HDAC9: variants seen among roughly 807,000 people sequenced by gnomAD.
HDAC9 encodes histone deacetylase 9.
HDAC9 carries 41 observed loss-of-function variants against 139.4 expected under a neutral mutation model. The ratio of observed to expected loss-of-function variants is 0.29; its 90% CI spans 0.23 to 0.38. The LOEUF (loss-of-function observed/expected upper bound fraction) is 0.38. Among genes scored for constraint, HDAC9 ranks in the 10% least tolerant of loss-of-function variants. The pLI, the probability that HDAC9 is intolerant of heterozygous loss-of-function variation, is 1.00. For missense variants in HDAC9, 1,147 were observed against 1,297.0 expected, an observed-to-expected ratio of 0.88 and a Z score of 1.78; for synonymous variants, 517 against 476.2, an observed-to-expected ratio of 1.09 and a Z score of -1.12.
intron 1 of HDAC9, among the ~76,000 whole-genome samples, chr7:18,351,033 C>T (rs184925868): frequency 1.3e-5 from 2 of 152,268 alleles, no homozygotes; most frequent in African/African-American, 4.8e-5. Context: ...GTGACGGAGC[C>T]TCTGTGATTG....
chr7:18,842,562 G>A (rs1360852481), intron 21 of HDAC9, among the ~76,000 whole-genome samples: 1 of 151,948 alleles, frequency 6.6e-6, no homozygotes, highest in East Asian at 1.9e-4. Context: ...TCCGTATGTT[G>A]AGATGTTTCA....
chr7:18,882,082 C>G (rs1799780943), intron 22 of HDAC9, among the ~76,000 whole-genome samples: 1 of 152,088 alleles, frequency 6.6e-6, no homozygotes, highest in African/African-American at 2.4e-5. Flanking sequence ...GGAACATAGT[C>G]TAAATAGCAT....
chr7:18,345,178 T>C (rs17139074), intron 1 of HDAC9, among the ~76,000 whole-genome samples: 2,070 of 152,160 alleles, frequency 0.014, 34 homozygotes, highest in African/African-American at 0.047. Flanking sequence ...GGTAATTCTA[T>C]GACCTGAAAG....
intron 2 of HDAC9, among the ~76,000 whole-genome samples, chr7:18,512,975 T>A (rs1223731297): frequency 6.6e-6 from 1 of 152,198 alleles, no homozygotes; most frequent in Non-Finnish European, 1.5e-5. Context: ...TACAACGTTA[T>A]TTTTAGTAGC....
intron 13 of HDAC9, among the ~76,000 whole-genome samples, chr7:18,733,736 G>A (rs144448735): frequency 1.3e-5 from 2 of 151,802 alleles, no homozygotes; most frequent in African/African-American, 4.8e-5. Context: ...TTATACCTAA[G>A]AATTTCATCC....
intron 16 of HDAC9, among the ~76,000 whole-genome samples, chr7:18,771,423 T>C (rs1790279826): frequency 6.6e-6 from 1 of 152,148 alleles, no homozygotes. Flanking sequence ...TTCAGTTGTA[T>C]ATCAACTATA....
intron 13 of HDAC9, among the ~76,000 whole-genome samples, chr7:18,748,388 C>T (rs1788162583): frequency 1.3e-5 from 2 of 151,976 alleles, no homozygotes; most frequent in South Asian, 4.2e-4. Context: ...AAATGCCCCA[C>T]GATATTATAA....
intron 2 of HDAC9, among the ~76,000 whole-genome samples, chr7:18,573,587 G>A (rs1029957681): frequency 2.0e-5 from 3 of 152,212 alleles, no homozygotes; most frequent in Non-Finnish European, 2.9e-5. Flanking sequence ...TACGAGCAAG[G>A]CGTGGAGCGG....
intron 12 of HDAC9, among the ~76,000 whole-genome samples, chr7:18,675,043 G>T (rs190860737): frequency 6.6e-6 from 1 of 151,590 alleles, no homozygotes; most frequent in Non-Finnish European, 1.5e-5. Flanking sequence ...CTATTTCCAC[G>T]TATTCTATAG....
intron 1 of HDAC9, among the ~76,000 whole-genome samples, chr7:18,154,323 A>C (rs1787009307): frequency 6.6e-6 from 1 of 152,182 alleles, no homozygotes; most frequent in African/African-American, 2.4e-5. Flanking sequence ...AAAAGAATGA[A>C]AAAAAGCTTT....
At chr7:18,247,135 C>G (rs1296970784) in intron 2 of HDAC9, among the ~76,000 whole-genome samples, 2 of 151,676 alleles carry the variant, frequency 1.3e-5, no homozygotes, top group Non-Finnish European at 2.9e-5. Context: ...ATAAAGGTGT[C>G]AAGCAGTTAG....
At position 18,142,022 on chromosome 7, in the gene HDAC9, A is replaced by G. The variant is rs1785935263; in HGVS notation, c.-96-20207A>G. 1.3e-5 allele frequency among the ~76,000 whole-genome samples: 2 copies of G among 152,132 alleles called. 1 individual carries two copies. The highest frequency in any genetic ancestry group is 1.3e-4 in the Admixed American group (2 of 15,268). ...GTTCTTAATTTATCGAATTGACCCTAGTCCTTTATTGTGTCAGGACTTTTT... is the reference window on the plus strand; with the variant it reads ...GTTCTTAATTTATCGAATTGACCCTGGTCCTTTATTGTGTCAGGACTTTTT... On this transcript the variant is annotated intron_variant, in intron 1 of 12. Transcript: ENST00000417496.
In HDAC9 at chr7:18,339,219, A is replaced by T. The variant is rs117860487; in HGVS notation, c.-42+48704A>T. On this transcript the variant is annotated intron_variant, in intron 1 of 3. Transcript: ENST00000413509. The stretch of plus-strand genomic sequence containing the variant: ...GATCTTCTAAAATAATCAGCTTTTG[A>T]TTTCATTGATTTTCTCTATTGTTTT... 5.2e-4 allele frequency among the ~76,000 whole-genome samples: 79 copies of T among 150,754 alleles called. 1 individual carries two copies. The East Asian group carries it at 0.014, about 27-fold the overall frequency.
intron 17 of HDAC9, among the ~76,000 whole-genome samples, chr7:18,799,055 A>G (rs1425550973): frequency 1.2e-5 from 1 of 81,354 alleles, no homozygotes; most frequent in Non-Finnish European, 2.8e-5. Flanking sequence ...ACACACACAC[A>G]CACACACACA....
At position 18,996,465 on chromosome 7, in the gene HDAC9, C is replaced by G. The variant is rs144822969; in HGVS notation, c.*403C>G. On this transcript the variant is annotated 3_prime_UTR_variant, in exon 26 of 26. Coordinates refer to ENST00000686413, the MANE Select transcript of HDAC9 (RefSeq NM_178425.4). ...CTGAGACATAGTCATTCCTGACATT[C>G]TGATCAGCTTTTTTTGGGGTAATTT... 8.6e-4 allele frequency: 140 copies of G among 162,146 alleles called. 1 individual carries two copies. The highest frequency in any genetic ancestry group is 3.0e-3 in the Admixed American group (50 of 16,476). The allele number at this position is 162,146 out of a possible 1,614,324, so 10.0% of individuals were successfully genotyped here.
intron 21 of HDAC9, among the ~76,000 whole-genome samples, chr7:18,872,446 C>G (rs145126836): frequency 4.6e-5 from 7 of 152,172 alleles, no homozygotes; most frequent in African/African-American, 1.7e-4. Flanking sequence ...TCTTTATTAA[C>G]AAAATATTTG....
chr7:18,760,795 C>T (rs1186744075), intron 14 of HDAC9, among the ~76,000 whole-genome samples: 1 of 152,240 alleles, frequency 6.6e-6, no homozygotes, highest in Non-Finnish European at 1.5e-5. Flanking sequence ...AGCTCGGCCT[C>T]CGGCCCAGTA....
intron 21 of HDAC9, among the ~76,000 whole-genome samples, chr7:18,860,469 C>G (rs1798023527): frequency 6.6e-6 from 1 of 152,196 alleles, no homozygotes; most frequent in Non-Finnish European, 1.5e-5. Flanking sequence ...TGTTCTGCCT[C>G]TCTTGCCTAA....
In HDAC9 at chr7:18,996,253, C is replaced by A; in HGVS notation, c.*191C>A. 1 of 521,574 alleles carries A rather than the reference C, an allele frequency of 1.9e-6. No homozygotes were observed. The highest frequency in any genetic ancestry group is 3.5e-6 in the Non-Finnish European group (1 of 287,650). 32.3% of individuals were successfully genotyped at this position (521,574 alleles called of 1,614,324 possible). A position where few individuals can be genotyped will look rare whatever the true frequency, so the allele number is the denominator to read the frequency against. On this transcript the variant is annotated 3_prime_UTR_variant, in exon 26 of 26. Transcript: ENST00000686413. ...GGACTTGAAAGGGCATTAAAGATTC[C>A]TTAAACGTAACCGCTGTGATTCTAG...
Sources: allele counts gnomAD v4.1 joint callset (sites outside exome capture counted in the v4.1 genomes callset), GRCh38; gene constraint gnomAD v4.1.1; transcripts MANE v1.5; gene names NCBI Gene and HGNC (gene_info 2026-07-23, HGNC 2026-07-21).